The following SLC71A2 variants were observed in gnomAD, a reference collection of about 807,000 sequenced individuals.
SLC71A2 encodes the protein solute carrier family 71 member 2.
At chr9:94,430,154 T>C in the SLC71A2 span, among the ~76,000 whole-genome samples, 1 of 151,612 alleles carries the variant, frequency 6.6e-6, no homozygotes, top group African/African-American at 2.4e-5. Flanking sequence ...CTGCCTGCCT[T>C]GGCCTCCCAA....
the SLC71A2 span, chr9:94,460,228 T>C: frequency 6.6e-6 from 1 of 152,578 alleles, no homozygotes; most frequent in Admixed American, 6.5e-5. Context: ...TTATTAACAA[T>C]TTGGAAATTC....
chr9:94,403,520 G>T, the SLC71A2 span, among the ~76,000 whole-genome samples: 47 of 149,740 alleles, frequency 3.1e-4, no homozygotes, highest in Non-Finnish European at 6.1e-4. Context: ...TTTTTTTAAG[G>T]TTAAATGATA....
chr9:94,423,437 G>A, the SLC71A2 span, among the ~76,000 whole-genome samples: 2 of 152,156 alleles, frequency 1.3e-5, no homozygotes, highest in Non-Finnish European at 2.9e-5. Context: ...GGTCTACCCA[G>A]ATAACCCGGA....
At chr9:94,375,007 G>T in the SLC71A2 span, 1 of 977,394 alleles carries the variant, frequency 1.0e-6, no homozygotes. Flanking sequence ...CGAGCCCGCC[G>T]CTCCGGGCAG....
the SLC71A2 span, among the ~76,000 whole-genome samples, chr9:94,381,552 G>T: frequency 6.6e-6 from 1 of 152,206 alleles, no homozygotes; most frequent in African/African-American, 2.4e-5. Flanking sequence ...CTTCTCACCA[G>T]TTTTTGGCTA....
At chr9:94,399,365 T>A in the SLC71A2 span, among the ~76,000 whole-genome samples, 4 of 152,252 alleles carry the variant, frequency 2.6e-5, no homozygotes, top group Non-Finnish European at 2.9e-5. Context: ...CTTATTGCCG[T>A]TGAGTTTCTA....
the SLC71A2 span, among the ~76,000 whole-genome samples, chr9:94,456,839 T>C: frequency 6.6e-6 from 1 of 152,204 alleles, no homozygotes; most frequent in Non-Finnish European, 1.5e-5. Context: ...AAATTAAGAC[T>C]GCTATGTGGA....
At chr9:94,427,645 GA>G in the SLC71A2 span, among the ~76,000 whole-genome samples, 1 of 133,448 alleles carries the variant, frequency 7.5e-6, no homozygotes, top group Non-Finnish European at 1.6e-5. Flanking sequence ...TTGACAGCAT[GA>G]GAGAACCCTG....
chr9:94,392,020 C>A, the SLC71A2 span, among the ~76,000 whole-genome samples: 3 of 152,148 alleles, frequency 2.0e-5, no homozygotes, highest in African/African-American at 7.2e-5. Context: ...GCCTTCCCCC[C>A]ACCCCCTTTA....
chr9:94,437,726 T>C, the SLC71A2 span, among the ~76,000 whole-genome samples: 1 of 142,262 alleles, frequency 7.0e-6, no homozygotes, highest in African/African-American at 2.7e-5. Context: ...TGTGCAGAAT[T>C]GATATGCCAT....
the SLC71A2 span, among the ~76,000 whole-genome samples, chr9:94,435,583 C>T: frequency 6.6e-6 from 1 of 151,482 alleles, no homozygotes; most frequent in African/African-American, 2.4e-5. Flanking sequence ...TGCTATCTTA[C>T]ATTCATTACA....
At chr9:94,423,012 C>T in the SLC71A2 span, among the ~76,000 whole-genome samples, 1 of 148,676 alleles carries the variant, frequency 6.7e-6, no homozygotes, top group African/African-American at 2.5e-5. Context: ...TATCGGTTCA[C>T]TGCAATGTCT....
At chr9:94,382,935 C>T in the SLC71A2 span, among the ~76,000 whole-genome samples, 1 of 152,188 alleles carries the variant, frequency 6.6e-6, no homozygotes, top group Non-Finnish European at 1.5e-5. Context: ...CCTCGTGATC[C>T]ACCTGCCTCG....
At chr9:94,390,804 A>T in the SLC71A2 span, among the ~76,000 whole-genome samples, 73,782 of 151,940 alleles carry the variant, frequency 0.49, 18,171 homozygotes, top group East Asian at 0.6. Context: ...GGTAGTACTG[A>T]TACATGCAAG....
chr9:94,400,520 AAC>A, the SLC71A2 span, among the ~76,000 whole-genome samples: 4 of 150,826 alleles, frequency 2.7e-5, no homozygotes, highest in East Asian at 5.8e-4. Flanking sequence ...AAAAAAAAAA[AAC>A]AACTGATAAT....
the SLC71A2 span, among the ~76,000 whole-genome samples, chr9:94,431,122 C>G: frequency 2.6e-5 from 4 of 152,032 alleles, no homozygotes; most frequent in Non-Finnish European, 5.9e-5. Flanking sequence ...ACCATCCTGG[C>G]TTAACATGGT....
At chr9:94,374,965 G>C in the SLC71A2 span, 3 of 1,240,390 alleles carry the variant, frequency 2.4e-6, no homozygotes, top group Non-Finnish European at 3.0e-6. Flanking sequence ...CTGAATCCCG[G>C]GGAGGCTGGG....
the SLC71A2 span, among the ~76,000 whole-genome samples, chr9:94,409,128 C>CTTTTT: frequency 1.1e-5 from 1 of 93,838 alleles, no homozygotes; most frequent in African/African-American, 4.1e-5. Flanking sequence ...CGCCCGGCCT[C>CTTTTT]CTTTTTTTTT....
chr9:94,447,406 C>T, the SLC71A2 span, among the ~76,000 whole-genome samples: 1 of 151,538 alleles, frequency 6.6e-6, no homozygotes, highest in South Asian at 2.1e-4. Context: ...TCTCGAACTC[C>T]TGACCTCAAG....
Sources: allele counts gnomAD v4.1 joint callset (sites outside exome capture counted in the v4.1 genomes callset), GRCh38; gene constraint gnomAD v4.1.1; transcripts MANE v1.5; gene names NCBI Gene and HGNC (gene_info 2026-07-23, HGNC 2026-07-21).